CSMD1: variants seen among roughly 807,000 people sequenced by gnomAD.
The protein encoded by CSMD1 is CUB and sushi domain-containing protein 1.
Under a neutral mutation model 417.5 loss-of-function variants are expected in CSMD1, and 213 were observed. The ratio of observed to expected loss-of-function variants is 0.51; its 90% CI spans 0.46 to 0.57. CSMD1 has a LOEUF of 0.57. Among genes scored for constraint, CSMD1 ranks in the 20% least tolerant of loss-of-function variants. CSMD1 has a pLI of 0.00. For missense variants in CSMD1, 6,923 were observed against 4,529.7 expected, an observed-to-expected ratio of 1.53 and a Z score of -15.17; for synonymous variants, 2,862 against 1,736.8, an observed-to-expected ratio of 1.65 and a Z score of -16.11.
At chr8:3,934,699 C>A (rs1252488018) in intron 5 of CSMD1, among the ~76,000 whole-genome samples, 1 of 151,860 alleles carries the variant, frequency 6.6e-6, no homozygotes, top group Admixed American at 6.6e-5. Flanking sequence ...ACTAAACATG[C>A]AAAAATTTAG....
intron 1 of CSMD1, among the ~76,000 whole-genome samples, chr8:4,798,038 G>T (rs1307983679): frequency 6.6e-6 from 1 of 152,158 alleles, no homozygotes; most frequent in Non-Finnish European, 1.5e-5. Context: ...TATACTTTAA[G>T]TTCTAGGGTA....
intron 37 of CSMD1, among the ~76,000 whole-genome samples, chr8:3,177,770 C>T (rs1174734948): frequency 6.6e-6 from 1 of 152,146 alleles, no homozygotes; most frequent in African/African-American, 2.4e-5. Flanking sequence ...CAGTCACTGC[C>T]ACCTTGTTGG....
chr8:4,738,154 T>C (rs1433790571), intron 1 of CSMD1, among the ~76,000 whole-genome samples: 1 of 152,126 alleles, frequency 6.6e-6, no homozygotes, highest in East Asian at 1.9e-4. Context: ...TTAAACAGAA[T>C]ATCAGGTTAG....
Position 3,148,930 on chromosome 8 carries a change from T to G in CSMD1, c.6031+2467A>C, listed in dbSNP as rs148461011. On this transcript the variant is annotated intron_variant, in intron 40 of 69. Coordinates refer to ENST00000635120, the MANE Select transcript of CSMD1 (RefSeq NM_033225.6). ...TTCTGAAGCTTACCTACATCTATTCTAAAAAGCTAGGGATAATACTTTTCA... is the reference window on the plus strand; with the variant it reads ...TTCTGAAGCTTACCTACATCTATTCGAAAAAGCTAGGGATAATACTTTTCA... Among the ~76,000 whole-genome samples the G allele has an allele frequency of 1.3e-4, 20 of 152,336 alleles. No homozygotes were observed. In the East Asian group the frequency reaches 3.7e-3, roughly 28 times the overall value.
At chr8:3,816,966 C>A (rs73504767) in intron 5 of CSMD1, among the ~76,000 whole-genome samples, 3 of 151,926 alleles carry the variant, frequency 2.0e-5, no homozygotes, top group Non-Finnish European at 2.9e-5. Flanking sequence ...GATAAACCAA[C>A]AAATAAATGA....
chr8:4,815,833 G>A (rs1457561207), intron 1 of CSMD1, among the ~76,000 whole-genome samples: 1 of 151,836 alleles, frequency 6.6e-6, no homozygotes, highest in African/African-American at 2.4e-5. Context: ...CTAAATGTTG[G>A]CTCCCAAGAA....
At chr8:3,650,761 A>G (rs1585019105) in intron 7 of CSMD1, among the ~76,000 whole-genome samples, 1 of 152,218 alleles carries the variant, frequency 6.6e-6, no homozygotes, top group East Asian at 1.9e-4. Context: ...TAATGCAAAA[A>G]TGTGATTTTT....
intron 30 of CSMD1, among the ~76,000 whole-genome samples, chr8:3,213,634 T>C (rs2116811740): frequency 6.6e-6 from 1 of 151,910 alleles, no homozygotes; most frequent in South Asian, 2.1e-4. Flanking sequence ...ACATATTAGT[T>C]TTTTCTCTCT....
At chr8:4,046,140 T>C (rs752467331) in intron 3 of CSMD1, among the ~76,000 whole-genome samples, 1 of 152,116 alleles carries the variant, frequency 6.6e-6, no homozygotes, top group Non-Finnish European at 1.5e-5. Flanking sequence ...TATATATGTA[T>C]TATGTATCAT....
intron 1 of CSMD1, among the ~76,000 whole-genome samples, chr8:4,980,630 T>A (rs1329882826): frequency 6.6e-6 from 1 of 152,206 alleles, no homozygotes; most frequent in African/African-American, 2.4e-5. Context: ...TAGCCAGGCA[T>A]GGTGGCTCAC....
chr8:3,564,545 G>GTGTGTGTGTGTGTGTA (rs1467049674), intron 10 of CSMD1, among the ~76,000 whole-genome samples: 1 of 151,824 alleles, frequency 6.6e-6, no homozygotes, highest in Non-Finnish European at 1.5e-5. Context: ...GTGTGTGTGT[G>GTGTGTGTGTGTGTGTA]TGTGTATAAT....
intron 41 of CSMD1, among the ~76,000 whole-genome samples, chr8:3,123,246 T>C (rs1178793014): frequency 2.0e-5 from 3 of 152,146 alleles, no homozygotes; most frequent in Admixed American, 2.0e-4. Context: ...TGGGCCAACC[T>C]GTCAAATGCA....
intron 3 of CSMD1, among the ~76,000 whole-genome samples, chr8:4,157,874 A>G (rs1198247547): frequency 6.6e-6 from 1 of 152,108 alleles, no homozygotes; most frequent in Non-Finnish European, 1.5e-5. Flanking sequence ...GCTTGGTCCT[A>G]TCCTCCCCAC....
At chr8:3,622,177 T>C (rs575242241) in intron 7 of CSMD1, among the ~76,000 whole-genome samples, 1 of 152,336 alleles carries the variant, frequency 6.6e-6, no homozygotes, top group South Asian at 2.1e-4. Flanking sequence ...TGCATTTAGC[T>C]TTAATAATTT....
At chr8:4,541,926 G>A (rs774638608) in intron 2 of CSMD1, among the ~76,000 whole-genome samples, 2 of 152,126 alleles carry the variant, frequency 1.3e-5, no homozygotes, top group African/African-American at 2.4e-5. Flanking sequence ...ATTTCTATAG[G>A]ATGAATGTTG....
Position 3,997,980 on chromosome 8 carries a change from C to A in CSMD1, c.741G>T (p.Ala247=), listed in dbSNP as rs1451857994. ...TILAEPGDTI[A]LVFTDFQLEE... The stretch of plus-strand genomic sequence containing the variant: ...CTAGCTGAAAGTCAGTGAAGACCAG[C>A]GCAATGGTGTCCCCGGGCTCAGCCA... The change falls in exon 5 of 70, where the codon GCG becomes GCT. Residue 247 remains alanine (A), a synonymous_variant. Coordinates refer to ENST00000635120, the MANE Select transcript of CSMD1 (RefSeq NM_033225.6). The A allele has an allele frequency of 3.7e-6, 6 of 1,611,086 alleles. No individual in the cohort carries two copies. Among genetic ancestry groups the A allele is most frequent in the Admixed American group, 3.4e-5 (2 of 59,688 alleles).
chr8:4,419,834 G>A lies in CSMD1; in HGVS notation c.415+119C>T, dbSNP rs1797146321. The A allele has an allele frequency of 1.6e-5, 11 of 668,874 alleles. 1 individual carries two copies. The highest frequency in any genetic ancestry group is 1.4e-4 in the South Asian group (8 of 57,278). 41.4% of individuals were successfully genotyped at this position (668,874 alleles called of 1,614,324 possible). On this transcript the variant is annotated intron_variant, in intron 3 of 69. Coordinates refer to ENST00000635120, the MANE Select transcript of CSMD1 (RefSeq NM_033225.6). ...CCATTGCATTACACAGAAGCCAAAT[G>A]TCTACACCACGGAACGACCTGCGAC... is the stretch of plus-strand genomic sequence containing the variant.
intron 1 of CSMD1, among the ~76,000 whole-genome samples, chr8:4,669,145 C>T (rs960617653): frequency 2.6e-5 from 4 of 152,170 alleles, no homozygotes; most frequent in African/African-American, 7.2e-5. Context: ...TCCCTATTTC[C>T]TTCTTCGCTT....
intron 3 of CSMD1, among the ~76,000 whole-genome samples, chr8:4,391,308 G>T (rs1282629070): frequency 6.6e-6 from 1 of 152,194 alleles, no homozygotes; most frequent in African/African-American, 2.4e-5. Context: ...CTTCTCTTAA[G>T]ACATGGTGTG....
Sources: allele counts gnomAD v4.1 joint callset (sites outside exome capture counted in the v4.1 genomes callset), GRCh38; gene constraint gnomAD v4.1.1; transcripts MANE v1.5; gene names NCBI Gene and HGNC (gene_info 2026-07-23, HGNC 2026-07-21).